Variants in CNNM2 observed in about 807,000 individuals in gnomAD.
CNNM2 encodes the protein metal transporter CNNM2.
A neutral mutation model predicts 66.9 loss-of-function variants in CNNM2; 12 were observed. The ratio of observed to expected loss-of-function variants is 0.18; its 90% CI spans 0.11 to 0.29. CNNM2 has a LOEUF of 0.29. CNNM2 is among the 10% of genes least tolerant of loss of function. The pLI is 1.00. For missense variants in CNNM2, 705 were observed against 1,167.7 expected, an observed-to-expected ratio of 0.60 and a Z score of 5.77; for synonymous variants, 557 against 501.8, an observed-to-expected ratio of 1.11 and a Z score of -1.47.
chr10:102,929,452 A>G (rs987015767), intron 1 of CNNM2, among the ~76,000 whole-genome samples: 2 of 151,876 alleles, frequency 1.3e-5, no homozygotes, highest in African/African-American at 4.8e-5. Flanking sequence ...TTTTTAAAAA[A>G]AAAAAAAAAA....
At chr10:103,052,753 A>G (rs2065237352) in intron 2 of CNNM2, among the ~76,000 whole-genome samples, 1 of 152,142 alleles carries the variant, frequency 6.6e-6, no homozygotes, top group Non-Finnish European at 1.5e-5. Context: ...ACCTCAAGTG[A>G]TCCACCTGCC....
chr10:103,045,349 A>G (rs2065109921), intron 1 of CNNM2, among the ~76,000 whole-genome samples: 2 of 152,156 alleles, frequency 1.3e-5, no homozygotes, highest in African/African-American at 4.8e-5. Flanking sequence ...AACAATCTAA[A>G]CTTCTAGGCT....
rs1201460224 is a variant in CNNM2 at position 103,077,255 on chromosome 10, A to G, written c.*75A>G. ...CCCGGCCCTGTCTGCCCATGACTTC[A>G]CTGGTGTGAGCTTGTCCGCCATGCT... is the stretch of plus-strand genomic sequence containing the variant. On this transcript the variant is annotated 3_prime_UTR_variant, in exon 8 of 8. Transcript: ENST00000369878. 5.2e-6 allele frequency: 7 copies of G among 1,354,558 alleles called. No homozygotes were observed. Among genetic ancestry groups the G allele is most frequent in the Non-Finnish European group, 7.3e-6 (7 of 964,494 alleles). The allele number at this position is 1,354,558 out of a possible 1,614,324, so 83.9% of individuals were successfully genotyped here.
chr10:102,998,198 G>A (rs761099792), intron 1 of CNNM2, among the ~76,000 whole-genome samples: 10 of 152,168 alleles, frequency 6.6e-5, no homozygotes, highest in Non-Finnish European at 1.5e-4. Flanking sequence ...ATGACTTCAG[G>A]CAGTGGTGTG....
chr10:103,001,129 T>A (rs531886388), intron 1 of CNNM2, among the ~76,000 whole-genome samples: 1 of 152,244 alleles, frequency 6.6e-6, no homozygotes, highest in East Asian at 1.9e-4. Flanking sequence ...AGAACTTAGA[T>A]TAGTCAAAAT....
intron 1 of CNNM2, among the ~76,000 whole-genome samples, chr10:103,041,759 G>A (rs1316033055): frequency 6.6e-6 from 1 of 152,098 alleles, no homozygotes; most frequent in Non-Finnish European, 1.5e-5. Context: ...TTTGAATGTG[G>A]CTTCCAAAAC....
At chr10:103,033,851 A>G (rs2064877380) in intron 1 of CNNM2, among the ~76,000 whole-genome samples, 1 of 152,220 alleles carries the variant, frequency 6.6e-6, no homozygotes, top group African/African-American at 2.4e-5. Context: ...GGAATTATGA[A>G]GGAATCTATA....
intron 6 of CNNM2, among the ~76,000 whole-genome samples, chr10:103,073,166 G>T (rs554269491): frequency 6.6e-6 from 1 of 152,240 alleles, no homozygotes; most frequent in South Asian, 2.1e-4. Flanking sequence ...ATGGGGCCAG[G>T]CATCAGGCTC....
intron 5 of CNNM2, among the ~76,000 whole-genome samples, chr10:103,069,380 C>T (rs1198619024): frequency 6.6e-6 from 1 of 152,166 alleles, no homozygotes; most frequent in Non-Finnish European, 1.5e-5. Context: ...GGATTCAGCT[C>T]TGATGTACCT....
At chr10:102,941,262 A>G in intron 1 of CNNM2, among the ~76,000 whole-genome samples, 1 of 141,212 alleles carries the variant, frequency 7.1e-6, no homozygotes, top group Admixed American at 7.2e-5. Flanking sequence ...TCTTTATTTT[A>G]TTTTTTATTT....
chr10:103,034,786 G>T (rs2064898039), intron 1 of CNNM2, among the ~76,000 whole-genome samples: 1 of 152,010 alleles, frequency 6.6e-6, no homozygotes, highest in Non-Finnish European at 1.5e-5. Flanking sequence ...CTAACAAGGT[G>T]AAACCCCGTC....
intron 1 of CNNM2, among the ~76,000 whole-genome samples, chr10:103,015,829 G>A (rs780786920): frequency 2.0e-5 from 3 of 151,832 alleles, no homozygotes; most frequent in Admixed American, 6.6e-5. Flanking sequence ...CTCCAACCTG[G>A]GCAAGAGAGC....
At position 103,085,743 on chromosome 10, in the gene CNNM2, T is replaced by C. The variant is rs1478724049; in HGVS notation, c.*8563T>C. 1 of 152,222 alleles carries C rather than the reference T, an allele frequency of 6.6e-6. No homozygotes were observed. The highest frequency in any genetic ancestry group is 1.9e-4 in the East Asian group (1 of 5,198). 9.4% of individuals were successfully genotyped at this position (152,222 alleles called of 1,614,324 possible). ...TTTGAGATGAAATGTTTGTGTTCAATGGGGAGTACTTTTTTGTGTTAAAGC... is the reference window on the plus strand; with the variant it reads ...TTTGAGATGAAATGTTTGTGTTCAACGGGGAGTACTTTTTTGTGTTAAAGC... On this transcript the variant is annotated 3_prime_UTR_variant, in exon 8 of 8. Coordinates refer to ENST00000369878, the MANE Select transcript of CNNM2 (RefSeq NM_017649.5).
intron 1 of CNNM2, among the ~76,000 whole-genome samples, chr10:103,026,832 G>A (rs560325848): frequency 6.6e-6 from 1 of 152,254 alleles, no homozygotes; most frequent in Non-Finnish European, 1.5e-5. Context: ...CTAACATGTT[G>A]TAATTTTCCT....
intron 1 of CNNM2, among the ~76,000 whole-genome samples, chr10:102,978,421 G>C (rs932647695): frequency 1.3e-5 from 2 of 151,822 alleles, no homozygotes; most frequent in Admixed American, 6.6e-5. Context: ...TTAACCTTAG[G>C]TGTAATCTGT....
chr10:103,077,474 C>G lies in CNNM2; in HGVS notation c.*294C>G, dbSNP rs1010495409. ...TTCAGCTCTCCCTTTTATCATTATTCACACTCCTCTGCCCTCGATTTGCAT... is the reference window on the plus strand; with the variant it reads ...TTCAGCTCTCCCTTTTATCATTATTGACACTCCTCTGCCCTCGATTTGCAT... On this transcript the variant is annotated 3_prime_UTR_variant, in exon 8 of 8. Transcript: ENST00000369878. 4.9e-6 allele frequency: 2 copies of G among 406,842 alleles called. No individual in the cohort carries two copies. Among genetic ancestry groups the G allele is most frequent in the Non-Finnish European group, 8.9e-6 (2 of 223,700 alleles). The allele number at this position is 406,842 out of a possible 1,614,324, so 25.2% of individuals were successfully genotyped here. A position where few individuals can be genotyped will look rare whatever the true frequency, so the allele number is the denominator to read the frequency against.
At chr10:102,989,541 G>A (rs2063859371) in intron 1 of CNNM2, among the ~76,000 whole-genome samples, 1 of 152,052 alleles carries the variant, frequency 6.6e-6, no homozygotes, top group Non-Finnish European at 1.5e-5. Context: ...GGTGACTCAT[G>A]CCTGTAATCC....
At chr10:102,921,184 C>T (rs1287980613) in intron 1 of CNNM2, 6 of 334,010 alleles carry the variant, frequency 1.8e-5, no homozygotes, top group Non-Finnish European at 2.6e-5. Context: ...TATTTGAAAA[C>T]CAAGGGATGC....
At position 103,079,981 on chromosome 10, in the gene CNNM2, G is replaced by A. The variant is rs2065741023; in HGVS notation, c.*2801G>A. 2.0e-5 allele frequency: 3 copies of A among 152,166 alleles called. No homozygotes were observed. The highest frequency in any genetic ancestry group is 4.2e-4 in the South Asian group (2 of 4,816). The allele number at this position is 152,166 out of a possible 1,614,324, so 9.4% of individuals were successfully genotyped here. On this transcript the variant is annotated 3_prime_UTR_variant, in exon 8 of 8. Transcript: ENST00000369878. ...GCAGCAGGAGAATGACTTTGGCTTGGAAGGCCTCTGCCATTCATCTCTACA... is the reference window on the plus strand; with the variant it reads ...GCAGCAGGAGAATGACTTTGGCTTGAAAGGCCTCTGCCATTCATCTCTACA...
Sources: gnomAD v4.1 joint callset for allele counts (sites outside exome capture counted in the v4.1 genomes callset) on GRCh38, gnomAD v4.1.1 for gene constraint, MANE v1.5 for transcripts, NCBI Gene and HGNC (gene_info 2026-07-23, HGNC 2026-07-21) for gene names.